CCDC122: variants seen among roughly 807,000 people sequenced by gnomAD.
CCDC122 encodes coiled-coil domain-containing protein 122.
CCDC122 carries 38 observed loss-of-function variants against 37.0 expected under a neutral mutation model. The ratio of observed to expected loss-of-function variants is 1.03; its 90% CI spans 0.79 to 1.35. The LOEUF is 1.35. Among genes scored for constraint, CCDC122 ranks in the 40% most tolerant of loss-of-function variants. CCDC122 has a pLI of 0.00. For synonymous variants in CCDC122, 83 were observed against 95.6 expected (o/e 0.87, Z 0.77); for missense variants, 305 against 310.0 (o/e 0.98, Z 0.12).
chr13:43,859,689 G>A lies in CCDC122; in HGVS notation c.538C>T (p.Arg180Ter), dbSNP rs200643388. The A allele has an allele frequency of 5.4e-5, 84 of 1,548,834 alleles. No homozygotes were observed. The highest frequency in any genetic ancestry group is 5.1e-5 in the South Asian group (4 of 79,042). Residue 180 changes from arginine (R) to a stop codon, truncating the protein, a stop_gained, in exon 5 of 7, where the codon CGA (arginine) becomes TGA (stop). Coordinates refer to ENST00000444614, the MANE Select transcript of CCDC122 (RefSeq NM_144974.5). LOFTEE classifies it high-confidence loss of function. ...TTGCACACCTGTACTTGTGTTATTC[G>A]GTTCCCTCCTGGATTTTGAAGATCT... ...MQDLQNPGGN[R>*]ITQVQEDITN...
chr13:43,819,942 CA>C (rs1337045641), downstream of CCDC122, among the ~76,000 whole-genome samples: 2 of 109,048 alleles, frequency 1.8e-5, no homozygotes, highest in African/African-American at 6.5e-5. Context: ...ATCATAAGGA[CA>C]AAAAGACCCA....
intron 2 of CCDC122, among the ~76,000 whole-genome samples, chr13:43,872,958 T>C (rs1954495173): frequency 1.3e-5 from 2 of 152,144 alleles, no homozygotes; most frequent in Non-Finnish European, 2.9e-5. Flanking sequence ...TTTTAAAACT[T>C]TTATCACGGT....
intron 6 of CCDC122, among the ~76,000 whole-genome samples, chr13:43,843,949 T>G (rs1164604375): frequency 6.6e-6 from 1 of 151,898 alleles, no homozygotes; most frequent in Non-Finnish European, 1.5e-5. Flanking sequence ...TCTCTTTTCT[T>G]GATCAGTATT....
At chr13:43,863,899 A>C (rs571008545) in intron 4 of CCDC122, among the ~76,000 whole-genome samples, 29 of 152,266 alleles carry the variant, frequency 1.9e-4, no homozygotes, top group Non-Finnish European at 3.8e-4. Context: ...TTTTTATGTC[A>C]TATTAAAGAA....
intron 2 of CCDC122, among the ~76,000 whole-genome samples, chr13:43,871,017 G>C (rs7318147): frequency 0.52 from 78,403 of 151,728 alleles, 20,692 homozygotes; most frequent in Middle Eastern, 0.62. Context: ...CTTCGGAGCT[G>C]ACTTACACGA....
In CCDC122 at chr13:43,842,529, G is replaced by A. The variant is rs925035488; in HGVS notation, c.673-5100C>T. Among the ~76,000 whole-genome samples, 12 of 150,152 alleles carry A rather than the reference G, an allele frequency of 8.0e-5. No homozygotes were observed. The East Asian group carries it at 1.2e-3, about 15-fold the overall frequency. On this transcript the variant is annotated intron_variant, in intron 6 of 6. Coordinates refer to ENST00000444614, the MANE Select transcript of CCDC122 (RefSeq NM_144974.5). ...GCTACTAGATCCTTTGCGTTTTCAC[G>A]TAAATTTTAAAATTAGCTTATCAAT... is the stretch of plus-strand genomic sequence containing the variant.
In CCDC122 at chr13:43,825,470, C is replaced by T. The variant is rs991634289; in HGVS notation, n.602-1459G>A. On this transcript the variant is annotated intron_variant and non_coding_transcript_variant, in intron 3 of 3. Transcript: ENST00000470137. Reference sequence around the variant, plus strand: ...CAGACATAAAGATAGAGATTGGGGACTCTAAAAGGAGGGTGTAGGCCAGGG... The same window carrying T: ...CAGACATAAAGATAGAGATTGGGGATTCTAAAAGGAGGGTGTAGGCCAGGG... Among the ~76,000 whole-genome samples the T allele has an allele frequency of 6.0e-5, 9 of 150,798 alleles. 1 individual carries two copies. Among genetic ancestry groups the T allele is most frequent in the African/African-American group, 2.2e-4 (9 of 40,982 alleles).
intron 4 of CCDC122, among the ~76,000 whole-genome samples, chr13:43,862,469 A>G (rs527631279): frequency 6.6e-6 from 1 of 152,202 alleles, no homozygotes; most frequent in Non-Finnish European, 1.5e-5. Flanking sequence ...CTCCTCCTCT[A>G]GTTACTCTCT....
At position 43,836,744 on chromosome 13, in the gene CCDC122, G is replaced by A. The variant is rs1270387751; in HGVS notation, c.*536C>T. ...GGGCGCCTGTGGTCCCAGCTACTCG[G>A]GAGGCTGAGGCAGGAGAATGGCGTG... On this transcript the variant is annotated 3_prime_UTR_variant, in exon 7 of 7. Coordinates refer to ENST00000444614, the MANE Select transcript of CCDC122 (RefSeq NM_144974.5). 1 of 151,160 alleles carries A rather than the reference G, an allele frequency of 6.6e-6. No homozygotes were observed. Among genetic ancestry groups the A allele is most frequent in the African/African-American group, 2.4e-5 (1 of 41,176 alleles). The allele number at this position is 151,160 out of a possible 1,614,324, so 9.4% of individuals were successfully genotyped here.
intron 4 of CCDC122, among the ~76,000 whole-genome samples, chr13:43,866,307 C>A (rs1954275482): frequency 6.6e-6 from 1 of 152,176 alleles, no homozygotes; most frequent in Admixed American, 6.5e-5. Context: ...TCATTGGACA[C>A]CAAGTTGGCA....
chr13:43,852,964 C>A (rs1953792720), intron 6 of CCDC122, among the ~76,000 whole-genome samples: 1 of 152,108 alleles, frequency 6.6e-6, no homozygotes, highest in Non-Finnish European at 1.5e-5. Flanking sequence ...ACAAGACCTG[C>A]CTTATAAGAG....
intron 3 of CCDC122, among the ~76,000 whole-genome samples, chr13:43,824,199 AATAT>A (rs1210975863): frequency 6.6e-6 from 1 of 152,200 alleles, no homozygotes; most frequent in Non-Finnish European, 1.5e-5. Context: ...CTGAGTCCCA[AATAT>A]GGGATGAAAT....
chr13:43,832,003 A>G (rs996891350), downstream of CCDC122, among the ~76,000 whole-genome samples: 5 of 151,982 alleles, frequency 3.3e-5, no homozygotes, highest in Non-Finnish European at 7.4e-5. Flanking sequence ...CTATTTTTCT[A>G]TTAGTGTCTG....
chr13:43,863,532 A>G (rs1011698520), intron 4 of CCDC122, among the ~76,000 whole-genome samples: 2 of 152,206 alleles, frequency 1.3e-5, no homozygotes, highest in African/African-American at 4.8e-5. Context: ...GATAGGTTTA[A>G]CTTTTCAAGA....
chr13:43,862,744 G>C (rs1954148788), intron 4 of CCDC122, among the ~76,000 whole-genome samples: 2 of 152,076 alleles, frequency 1.3e-5, no homozygotes. Flanking sequence ...TGCCCTGCTG[G>C]TTACATCAGG....
chr13:43,857,499 G>A (rs1418120872), intron 6 of CCDC122, among the ~76,000 whole-genome samples: 1 of 151,322 alleles, frequency 6.6e-6, no homozygotes, highest in Non-Finnish European at 1.5e-5. Context: ...TGTATTATGA[G>A]GTAGGAATCC....
chr13:43,831,448 A>G (rs1341443315), downstream of CCDC122, among the ~76,000 whole-genome samples: 1 of 152,218 alleles, frequency 6.6e-6, no homozygotes, highest in East Asian at 1.9e-4. Context: ...CAGTCTCAAA[A>G]GCATCTCAAG....
chr13:43,870,015 A>G (rs1954395818), intron 2 of CCDC122, among the ~76,000 whole-genome samples: 1 of 152,142 alleles, frequency 6.6e-6, no homozygotes, highest in Admixed American at 6.5e-5. Context: ...TCCTTAAATC[A>G]CTAAATATCT....
At chr13:43,867,877 T>C (rs908990692) in intron 4 of CCDC122, among the ~76,000 whole-genome samples, 2 of 152,128 alleles carry the variant, frequency 1.3e-5, no homozygotes, top group African/African-American at 4.8e-5. Flanking sequence ...TGTCATCATA[T>C]ATCTACTGAT....
Sources: gnomAD v4.1 joint callset for allele counts (sites outside exome capture counted in the v4.1 genomes callset) on GRCh38, gnomAD v4.1.1 for gene constraint, MANE v1.5 for transcripts, NCBI Gene and HGNC (gene_info 2026-07-23, HGNC 2026-07-21) for gene names.